SETD1B: variants seen among roughly 807,000 people sequenced by gnomAD.
The protein encoded by SETD1B is histone-lysine N-methyltransferase SETD1B.
In SETD1B, 7 loss-of-function variants were observed where a neutral mutation model predicts 148.0. The observed-to-expected ratio is 0.05, with a 90% confidence interval of 0.03 to 0.09. The LOEUF is 0.09. SETD1B is among the 10% of genes least tolerant of loss of function. The pLI is 1.00. For missense variants in SETD1B, 2,155 were observed against 2,729.9 expected, an observed-to-expected ratio of 0.79 and a Z score of 4.69; for synonymous variants, 1,361 against 1,186.5, an observed-to-expected ratio of 1.15 and a Z score of -3.02.
chr12:121,795,043 A>G, the SETD1B span, among the ~76,000 whole-genome samples: 1 of 152,200 alleles, frequency 6.6e-6, no homozygotes, highest in African/African-American at 2.4e-5. Flanking sequence ...AAAACCGCCA[A>G]CCTGGCAGTT....
Position 121,809,019 on chromosome 12 carries a change from G to A in SETD1B, c.658-584G>A, listed in dbSNP as rs577143572. On this transcript the variant is annotated intron_variant, in intron 5 of 16. Transcript: ENST00000604567. ...TGAGTAGCTGGGATTACAGGCACAC[G>A]CCACCACACCTGGCTAATTTTTATA... 5.9e-5 allele frequency among the ~76,000 whole-genome samples: 9 copies of A among 152,202 alleles called. No individual in the cohort carries two copies. The East Asian group carries it at 1.5e-3, about 26-fold the overall frequency.
chr12:121,816,606 A>ATTT (rs1423989613), intron 7 of SETD1B, among the ~76,000 whole-genome samples: 2 of 152,380 alleles, frequency 1.3e-5, no homozygotes, highest in African/African-American at 4.8e-5. Flanking sequence ...AAGGCAGAGC[A>ATTT]TTTCAGAACC....
Position 121,804,195 on chromosome 12 carries a change from C to T in SETD1B, c.-53C>T, listed in dbSNP as rs2137539692. 6.7e-6 allele frequency: 1 copy of T among 148,830 alleles called. No individual in the cohort carries two copies. Among genetic ancestry groups the T allele is most frequent in the East Asian group, 2.0e-4 (1 of 5,062 alleles). The allele number at this position is 148,830 out of a possible 1,614,324, so 9.2% of individuals were successfully genotyped here. ...CGGCTCCCTCGGGGGACACCATGTA[C>T]TGGCTGGCGGCGCAGGGAGGCCGGC... On this transcript the variant is annotated 5_prime_UTR_variant, in exon 1 of 17. Coordinates refer to ENST00000604567, the MANE Select transcript of SETD1B (RefSeq NM_001353345.2). This position sits in a 1 kb window ranked among gnomAD's most constrained non-coding sequence, Gnocchi z 4.6.
Position 121,814,434 on chromosome 12 carries a change from CCATCCTGCCACCACT to C in SETD1B, c.2220_2234del (p.Ile741_Leu745del). ...GCGCCGCCTGGAGTCCCGCCCCCAC[CCATCCTGCCACCACT>C]GCCCCCCTTTCCGCCGGGCCTGTTC... On this transcript the variant is annotated inframe_deletion, in exon 7 of 17. Coordinates refer to ENST00000604567, the MANE Select transcript of SETD1B (RefSeq NM_001353345.2). 6.9e-7 allele frequency: 1 copy of C among 1,439,662 alleles called. No homozygotes were observed. Among genetic ancestry groups the C allele is most frequent in the Non-Finnish European group, 9.1e-7 (1 of 1,093,324 alleles). 89.2% of individuals were successfully genotyped at this position (1,439,662 alleles called of 1,614,324 possible).
In SETD1B at chr12:121,809,942, T is replaced by C. The variant is rs1201418662; in HGVS notation, c.997T>C (p.Ser333Pro). The change falls in exon 6 of 17, where the codon TCT (serine) becomes CCT (proline). Residue 333 changes from serine to proline, a missense_variant. Ser to Pro is a moderately conservative substitution (Grantham distance 74). Around this residue, in one of 11 missense-constraint regions of SETD1B, gnomAD observed 376 missense variants for 385.0 expected, o/e 0.98. Coordinates refer to ENST00000604567, the MANE Select transcript of SETD1B (RefSeq NM_001353345.2). ...CCACGAACATCATTATGTACACAAT[T>C]CTCCCGCGGTCACTGCGGTGGCCGG... ...RRHEHHYVHN[S>P]PAVTAVAGAT... 1.9e-6 allele frequency: 3 copies of C among 1,550,874 alleles called. No homozygotes were observed. The highest frequency in any genetic ancestry group is 2.6e-6 in the Non-Finnish European group (3 of 1,146,896).
At chr12:121,793,287 C>G in the SETD1B span, 1 of 1,515,282 alleles carries the variant, frequency 6.6e-7, no homozygotes, top group Admixed American at 2.0e-5. Flanking sequence ...CGGCGGGGGC[C>G]AAAGTTCCAG....
In SETD1B at chr12:121,817,147, T is replaced by C; in HGVS notation, c.2830T>C (p.Tyr944His). 2 of 1,549,040 alleles carry C rather than the reference T, an allele frequency of 1.3e-6. No homozygotes were observed. The highest frequency in any genetic ancestry group is 1.7e-6 in the Non-Finnish European group (2 of 1,146,886). The change falls in exon 8 of 17, where the codon TAC (tyrosine) becomes CAC (histidine). Residue 944 changes from tyrosine (Y) to histidine (H), a missense_variant. Around this residue, in one of 11 missense-constraint regions of SETD1B, gnomAD observed 289 missense variants for 423.7 expected, o/e 0.68. Coordinates refer to ENST00000604567, the MANE Select transcript of SETD1B (RefSeq NM_001353345.2). The surrounding 1 kb of genome is among the most constrained non-coding windows in gnomAD (Gnocchi z 8.1). ...ESWGKGEGLG[Y>H]EGLGLGIGLR... ...ATGGGGCAAGGGCGAGGGCCTGGGC[T>C]ACGAGGGCCTGGGCCTGGGCATTGG...
At chr12:121,799,761 G>A (rs534359204), upstream of SETD1B, 17 of 142,390 alleles carry the variant, frequency 1.2e-4, no homozygotes, top group African/African-American at 3.6e-4. Context: ...GAACCAGCCC[G>A]GCGTGTTTGG....
chr12:121,825,437 G>C, intron 13 of SETD1B, 71 bp downstream of exon 13: 1 of 1,438,604 alleles, frequency 7.0e-7, no homozygotes, highest in Non-Finnish European at 9.3e-7. Context: ...CACTCATGGA[G>C]GGGTGCCAGG....
Position 121,808,104 on chromosome 12 carries a change from T to A in SETD1B, c.545-104T>A, listed in dbSNP as rs1592975347. The A allele has an allele frequency of 1.2e-6, 1 of 808,566 alleles. No homozygotes were observed. Among genetic ancestry groups the A allele is most frequent in the East Asian group, 2.7e-5 (1 of 36,488 alleles). 50.1% of individuals were successfully genotyped at this position (808,566 alleles called of 1,614,324 possible). On this transcript the variant is annotated intron_variant, in intron 4 of 16. Transcript: ENST00000604567. The surrounding 1 kb of genome is among the most constrained non-coding windows in gnomAD (Gnocchi z 5.3). The stretch of plus-strand genomic sequence containing the variant: ...ACACAGCCTCCCTAGGACTGGGGTC[T>A]CGGGCACAAGGGACCCACCAGGGTG...
chr12:121,793,493 C>G, the SETD1B span: 14 of 1,541,382 alleles, frequency 9.1e-6, no homozygotes, highest in Non-Finnish European at 1.2e-5. Context: ...CTGCGGGCCT[C>G]ACCTCGGGGA....
chr12:121,792,831 A>G, the SETD1B span, among the ~76,000 whole-genome samples: 1 of 152,254 alleles, frequency 6.6e-6, no homozygotes, highest in African/African-American at 2.4e-5. Context: ...CAGGTAGCGC[A>G]GCAATCCTGG....
rs1358281322 is a variant in SETD1B at position 121,830,411 on chromosome 12, C to T, written c.*172C>T. 40 of 584,464 alleles carry T rather than the reference C, an allele frequency of 6.8e-5. No individual in the cohort carries two copies. The East Asian group carries it at 1.0e-3, about 15-fold the overall frequency. 36.2% of individuals were successfully genotyped at this position (584,464 alleles called of 1,614,324 possible). A position where few individuals can be genotyped will look rare whatever the true frequency, so the allele number is the denominator to read the frequency against. ...CACTACCCCCTGGAGCCCCTGGCTC[C>T]GGCCCCTCCGCGGGAAAGGGCTTCT... On this transcript the variant is annotated 3_prime_UTR_variant, in exon 17 of 17. Coordinates refer to ENST00000604567, the MANE Select transcript of SETD1B (RefSeq NM_001353345.2). This position sits in a 1 kb window ranked among gnomAD's most constrained non-coding sequence, Gnocchi z 5.7.
chr12:121,827,415 A>G (rs1876892866), intron 13 of SETD1B, 104 bp from the exon 14 acceptor site: 6 of 1,387,790 alleles, frequency 4.3e-6, no homozygotes, highest in Non-Finnish European at 4.7e-6. Context: ...AGAAGCCCAG[A>G]GCAAGGAGCC....
Position 121,810,785 on chromosome 12 carries a change from G to A in SETD1B, c.1840G>A (p.Ala614Thr). The change falls in exon 6 of 17, where the codon GCC becomes ACC. Residue 614 changes from alanine (A) to threonine (T), a missense_variant. Physicochemically the swap from Ala to Thr is moderately conservative, Grantham distance 58. This residue lies in a region of SETD1B where 295 missense variants were observed against 303.8 expected (regional missense o/e 0.97). Coordinates refer to ENST00000604567, the MANE Select transcript of SETD1B (RefSeq NM_001353345.2). This position sits in a 1 kb window ranked among gnomAD's most constrained non-coding sequence, Gnocchi z 7.6. Reference protein sequence around the residue: ...AGLLSQTAEVALDLVGDRTPT... With the variant: ...AGLLSQTAEVTLDLVGDRTPT... The stretch of plus-strand genomic sequence containing the variant: ...GCTTCTGAGCCAGACAGCTGAGGTG[G>A]CCTTGGACCTGGTTGGAGACAGAAC... 1 of 1,539,160 alleles carries A rather than the reference G, an allele frequency of 6.5e-7. No homozygotes were observed. Among genetic ancestry groups the A allele is most frequent in the Non-Finnish European group, 8.8e-7 (1 of 1,138,798 alleles).
intron 12 of SETD1B, among the ~76,000 whole-genome samples, chr12:121,824,823 G>A (rs181406445): frequency 6.7e-4 from 102 of 152,070 alleles, no homozygotes; most frequent in Non-Finnish European, 1.4e-3. Flanking sequence ...AGCCAGCCTG[G>A]GAAACATAGC....
In SETD1B at chr12:121,832,161, C is replaced by T. The variant is rs1031204234; in HGVS notation, c.*1922C>T. The T allele has an allele frequency of 1.3e-5, 2 of 152,202 alleles. No homozygotes were observed. The highest frequency in any genetic ancestry group is 2.9e-5 in the Non-Finnish European group (2 of 68,066). 9.4% of individuals were successfully genotyped at this position (152,202 alleles called of 1,614,324 possible). On this transcript the variant is annotated 3_prime_UTR_variant, in exon 17 of 17. Transcript: ENST00000604567. ...GGGCTGTCTCCATTCTGTCCCCTTC[C>T]CATAAAAGAAGTGGGGGTGTTCGAG...
Position 121,814,382 on chromosome 12 carries a change from G to C in SETD1B, c.2167G>C (p.Val723Leu). 1.9e-6 allele frequency: 2 copies of C among 1,042,028 alleles called. No individual in the cohort carries two copies. The highest frequency in any genetic ancestry group is 3.3e-5 in the South Asian group (2 of 61,426). 64.5% of individuals were successfully genotyped at this position (1,042,028 alleles called of 1,614,324 possible). Reference protein sequence around the residue: ...PPPPPPAHPAVTVPPPPLPAP... With the variant: ...PPPPPPAHPALTVPPPPLPAP... ...CCCACCCCCTCCAGCCCACCCTGCT[G>C]TGACAGTGCCCCCACCACCCTTGCC... is the stretch of plus-strand genomic sequence containing the variant. Residue 723 changes from valine (V) to leucine (L), a missense_variant, in exon 7 of 17, where the codon GTG (valine) becomes CTG (leucine). By Grantham distance (32) the Val-to-Leu change is conservative. Coordinates refer to ENST00000604567, the MANE Select transcript of SETD1B (RefSeq NM_001353345.2).
In SETD1B at chr12:121,817,521, G is replaced by C. The variant is rs972441220; in HGVS notation, c.3129G>C (p.Ala1043=). The part of the protein sequence containing the change: ...GEEDEKESLS[A]SSSSSASSSS... ...AGGACGAGAAGGAGTCATTGTCGGCGTCCTCGTCCTCATCCGCGTCATCAT... is the reference window on the plus strand; with the variant it reads ...AGGACGAGAAGGAGTCATTGTCGGCCTCCTCGTCCTCATCCGCGTCATCAT... The change falls in exon 9 of 17, where the codon GCG becomes GCC. Residue 1043 remains alanine (A), a synonymous_variant. Transcript: ENST00000604567. This position sits in a 1 kb window ranked among gnomAD's most constrained non-coding sequence, Gnocchi z 8.1. The C allele has an allele frequency of 1.9e-6, 3 of 1,551,478 alleles. No homozygotes were observed. The highest frequency in any genetic ancestry group is 2.4e-5 in the South Asian group (2 of 84,066).
Sources: gnomAD v4.1 joint callset for allele counts (sites outside exome capture counted in the v4.1 genomes callset) on GRCh38, gnomAD v4.1.1 for gene constraint, gnomAD v4.1.1 regional missense constraint, Gnocchi (gnomAD v3.1) non-coding constraint, MANE v1.5 for transcripts, NCBI Gene and HGNC (gene_info 2026-07-23, HGNC 2026-07-21) for gene names.